Variants in TMPRSS4 observed in about 807,000 individuals in gnomAD.
The protein encoded by TMPRSS4 is transmembrane protease serine 4.
TMPRSS4 carries 45 observed loss-of-function variants against 56.4 expected under a neutral mutation model. The ratio of observed to expected loss-of-function variants is 0.80; its 90% confidence interval spans 0.63 to 1.02. The LOEUF (loss-of-function observed/expected upper bound fraction) is 1.02. Among genes scored for constraint, TMPRSS4 ranks in the 50% least tolerant of loss-of-function variants. The pLI is 0.00. For missense variants in TMPRSS4, 546 were observed against 556.7 expected (o/e 0.98, Z 0.19); for synonymous variants, 205 against 211.0 (o/e 0.97, Z 0.25).
In TMPRSS4 at chr11:118,117,915, G is replaced by T. The variant is rs1406995794; in HGVS notation, c.*2G>T. The stretch of plus-strand genomic sequence containing the variant: ...CTCTTATTCTAGGCTGAGCTGTAAT[G>T]CTGCTGCCCCTTTGCAGTGCTGGGA... On this transcript the variant is annotated 3_prime_UTR_variant, in exon 13 of 13. Transcript: ENST00000437212. 1.5e-5 allele frequency: 24 copies of T among 1,613,262 alleles called. No individual in the cohort carries two copies. The highest frequency in any genetic ancestry group is 2.0e-5 in the Non-Finnish European group (24 of 1,180,048).
chr11:118,079,074 A>C (rs3782027), intron 1 of TMPRSS4, among the ~76,000 whole-genome samples: 2,479 of 152,162 alleles, frequency 0.016, 96 homozygotes, highest in East Asian at 0.11. Flanking sequence ...GGCAGGTGGG[A>C]ACACTGGTGG....
chr11:118,096,549 C>T (rs1946298618), intron 2 of TMPRSS4, among the ~76,000 whole-genome samples: 1 of 152,010 alleles, frequency 6.6e-6, no homozygotes, highest in Non-Finnish European at 1.5e-5. Flanking sequence ...TTTGGGAGGC[C>T]AAGGTGGGGG....
chr11:118,083,534 C>A (rs943244195), intron 1 of TMPRSS4, among the ~76,000 whole-genome samples: 1 of 152,122 alleles, frequency 6.6e-6, no homozygotes, highest in Non-Finnish European at 1.5e-5. Context: ...TATGAAGCTC[C>A]TTCCCATTAA....
chr11:118,077,167 C>T lies in TMPRSS4; in HGVS notation c.-136C>T. 1 of 1,086,312 alleles carries T rather than the reference C, an allele frequency of 9.2e-7. No individual in the cohort carries two copies. The highest frequency in any genetic ancestry group is 1.3e-6 in the Non-Finnish European group (1 of 765,042). The allele number at this position is 1,086,312 out of a possible 1,614,324, so 67.3% of individuals were successfully genotyped here. On this transcript the variant is annotated 5_prime_UTR_variant, in exon 1 of 13. Transcript: ENST00000437212. ...ACCAAGGCCTGCCCTGCACTCGGGC[C>T]TCCTCCAGCCAGTGCTGACCAGGGA...
chr11:118,089,989 C>T (rs11216738), intron 1 of TMPRSS4, among the ~76,000 whole-genome samples: 3,831 of 152,178 alleles, frequency 0.025, 117 homozygotes, highest in East Asian at 0.12. Flanking sequence ...GGATTACAGG[C>T]GCGTGCCACC....
downstream of TMPRSS4, among the ~76,000 whole-genome samples, chr11:118,124,134 C>G (rs765939508): frequency 6.6e-6 from 1 of 151,982 alleles, no homozygotes; most frequent in Non-Finnish European, 1.5e-5. Context: ...TGCCTGTAAT[C>G]CCAGCACTTT....
At chr11:118,108,637 G>A in intron 6 of TMPRSS4, 1 of 581,636 alleles carries the variant, frequency 1.7e-6, no homozygotes. Flanking sequence ...GCACACAGTA[G>A]GTACTCAGCA....
chr11:118,091,671 G>T (rs983094711), intron 1 of TMPRSS4, among the ~76,000 whole-genome samples: 2 of 152,120 alleles, frequency 1.3e-5, no homozygotes, highest in Non-Finnish European at 2.9e-5. Context: ...TGCTTTACAA[G>T]CATTTGTTTA....
At chr11:118,123,526 CT>C (rs75793329), downstream of TMPRSS4, among the ~76,000 whole-genome samples, 4 of 151,380 alleles carry the variant, frequency 2.6e-5, no homozygotes, top group African/African-American at 7.3e-5. Context: ...ACTGTTATGT[CT>C]TTTTTTTTGA....
intron 7 of TMPRSS4, among the ~76,000 whole-genome samples, chr11:118,109,273 C>T (rs1015701371): frequency 5.3e-5 from 8 of 152,194 alleles, no homozygotes; most frequent in Non-Finnish European, 1.2e-4. Flanking sequence ...GATCAGATTA[C>T]CCACATTCAT....
At chr11:118,099,240 C>T in intron 3 of TMPRSS4, 142 bp downstream of exon 3, 1 of 605,944 alleles carries the variant, frequency 1.7e-6, no homozygotes. Flanking sequence ...CACCCCTGCC[C>T]TCACCCACTC....
At chr11:118,099,992 A>G (rs1176420132) in intron 3 of TMPRSS4, among the ~76,000 whole-genome samples, 1 of 152,120 alleles carries the variant, frequency 6.6e-6, no homozygotes, top group African/African-American at 2.4e-5. Flanking sequence ...TGTTATCCAC[A>G]TGAGCACAGC....
downstream of TMPRSS4, among the ~76,000 whole-genome samples, chr11:118,122,473 C>A (rs1397407237): frequency 6.6e-6 from 1 of 152,150 alleles, no homozygotes; most frequent in Non-Finnish European, 1.5e-5. Flanking sequence ...AGTTTCAATT[C>A]ACCAGTAAGC....
At chr11:118,084,574 A>G (rs370502965) in intron 1 of TMPRSS4, among the ~76,000 whole-genome samples, 2 of 152,238 alleles carry the variant, frequency 1.3e-5, no homozygotes, top group East Asian at 3.9e-4. Context: ...GGCCTCCAGA[A>G]CAAACGAGAA....
intron 1 of TMPRSS4, among the ~76,000 whole-genome samples, chr11:118,079,057 G>C (rs762438386): frequency 2.6e-5 from 4 of 152,120 alleles, no homozygotes; most frequent in South Asian, 4.1e-4. Context: ...CTGGAGGAGC[G>C]GGGGAGGGCA....
At chr11:118,089,489 C>G (rs941879452) in intron 1 of TMPRSS4, among the ~76,000 whole-genome samples, 1 of 151,988 alleles carries the variant, frequency 6.6e-6, no homozygotes, top group South Asian at 2.1e-4. Flanking sequence ...CCATGCAGGG[C>G]CCATTTGTAA....
chr11:118,120,058 C>T lies in TMPRSS4; in HGVS notation c.*2145C>T, dbSNP rs182270145. ...CCATTGTGCTTTCAGTCTCTGTGAACTGGATTACTCTGGGTACCTCATTTA... is the reference window on the plus strand; with the variant it reads ...CCATTGTGCTTTCAGTCTCTGTGAATTGGATTACTCTGGGTACCTCATTTA... On this transcript the variant is annotated 3_prime_UTR_variant, in exon 13 of 13. Transcript: ENST00000437212. The T allele has an allele frequency of 2.2e-4, 34 of 152,302 alleles. No individual in the cohort carries two copies. The East Asian group carries it at 5.8e-3, about 26-fold the overall frequency. The allele number at this position is 152,302 out of a possible 1,614,324, so 9.4% of individuals were successfully genotyped here. A position where few individuals can be genotyped will look rare whatever the true frequency, so the allele number is the denominator to read the frequency against.
chr11:118,107,686 T>C (rs999612895), intron 5 of TMPRSS4, 88 bp from the exon 6 acceptor site: 175 of 1,136,982 alleles, frequency 1.5e-4, no homozygotes, highest in Non-Finnish European at 2.2e-4. Flanking sequence ...TCTGCCACTC[T>C]TTCTCCTGAA....
chr11:118,117,237 A>T, intron 11 of TMPRSS4, 68 bp from the exon 12 acceptor site: 1 of 1,519,564 alleles, frequency 6.6e-7, no homozygotes, highest in Non-Finnish European at 9.1e-7. Context: ...CAGTTCAGGG[A>T]GCAGAGAAGG....
Sources: gnomAD v4.1 joint callset for allele counts (sites outside exome capture counted in the v4.1 genomes callset) on GRCh38, gnomAD v4.1.1 for gene constraint, MANE v1.5 for transcripts, NCBI Gene and HGNC (gene_info 2026-07-23, HGNC 2026-07-21) for gene names.